The following HAS3 variants were observed in gnomAD, a reference collection of about 807,000 sequenced individuals.
The protein encoded by HAS3 is HA synthase 3.
HAS3 carries 27 observed loss-of-function variants against 50.3 expected under a neutral mutation model. The ratio of observed to expected loss-of-function variants is 0.54; its 90% confidence interval spans 0.40 to 0.74. The LOEUF (loss-of-function observed/expected upper bound fraction) is 0.74. Ranked by LOEUF, HAS3 falls within the 30% of genes least tolerant of loss-of-function variation. HAS3 has a pLI of 0.00. For missense variants in HAS3, 517 were observed against 742.8 expected (o/e 0.70, Z 3.53); for synonymous variants, 339 against 310.9 (o/e 1.09, Z -0.95).
chr16:69,116,992 CCA>C lies in HAS3; in HGVS notation c.*1728_*1729del, dbSNP rs1309240182. 3 of 985,296 alleles carry C rather than the reference CCA, an allele frequency of 3.0e-6. No homozygotes were observed. The highest frequency in any genetic ancestry group is 1.7e-5 in the African/African-American group (1 of 57,212). The allele number at this position is 985,296 out of a possible 1,614,324, so 61.0% of individuals were successfully genotyped here. On this transcript the variant is annotated 3_prime_UTR_variant, in exon 4 of 4. Transcript: ENST00000569188. ...AAACCCTGGTGCTTTCCTTCATCTC[CCA>C]CGAACTCAAGGGTTTTCCAGGTGTA...
downstream of HAS3, among the ~76,000 whole-genome samples, chr16:69,117,845 C>G: frequency 6.6e-6 from 1 of 152,118 alleles, no homozygotes; most frequent in East Asian, 1.9e-4. Context: ...AACTAACTGG[C>G]AGATGAATGG....
Position 69,115,767 on chromosome 16 carries a change from G to A in HAS3, c.*501G>A, listed in dbSNP as rs1240044786. ...GTAGTCATCAATGCAATAAGATTGC[G>A]CCTGAGATACAAGGCCCAGAAGCCT... On this transcript the variant is annotated 3_prime_UTR_variant, in exon 4 of 4. Coordinates refer to ENST00000569188, the MANE Select transcript of HAS3 (RefSeq NM_001199280.2). 14 of 986,176 alleles carry A rather than the reference G, an allele frequency of 1.4e-5. No individual in the cohort carries two copies. The highest frequency in any genetic ancestry group is 1.6e-5 in the Non-Finnish European group (13 of 830,454). The allele number at this position is 986,176 out of a possible 1,614,324, so 61.1% of individuals were successfully genotyped here. A position where few individuals can be genotyped will look rare whatever the true frequency, so the allele number is the denominator to read the frequency against.
chr16:69,103,008 T>C (rs955218799), upstream of HAS3, among the ~76,000 whole-genome samples: 2 of 110,764 alleles, frequency 1.8e-5, no homozygotes, highest in Non-Finnish European at 4.1e-5. Flanking sequence ...TGTGCATGTG[T>C]GTGTGTGTGT....
the HAS3 span, among the ~76,000 whole-genome samples, chr16:69,091,163 C>G: frequency 6.6e-6 from 1 of 152,192 alleles, no homozygotes; most frequent in African/African-American, 2.4e-5. Context: ...CAAAATCCCT[C>G]TAGATCTTTA....
At chr16:69,086,957 G>C in the HAS3 span, among the ~76,000 whole-genome samples, 1 of 152,086 alleles carries the variant, frequency 6.6e-6, no homozygotes. Flanking sequence ...GAACAAAAGT[G>C]ACACTTCCCT....
the HAS3 span, among the ~76,000 whole-genome samples, chr16:69,095,008 T>A: frequency 7.0e-6 from 1 of 143,880 alleles, no homozygotes; most frequent in Non-Finnish European, 1.5e-5. Flanking sequence ...TTTGAGACAG[T>A]GTTCGCTCTG....
Position 69,110,082 on chromosome 16 carries a change from C to G in HAS3, c.636+51C>G, listed in dbSNP as rs185816362. On this transcript the variant is annotated intron_variant, in intron 2 of 3. Coordinates refer to ENST00000569188, the MANE Select transcript of HAS3 (RefSeq NM_001199280.2). ...TGTACATGGGGATAAGTCTGGACAGCCTGGCAAACTCTCCGCCAAGAATCT... is the reference window on the plus strand; with the variant it reads ...TGTACATGGGGATAAGTCTGGACAGGCTGGCAAACTCTCCGCCAAGAATCT... 98 of 1,514,444 alleles carry G rather than the reference C, an allele frequency of 6.5e-5. No individual in the cohort carries two copies. In the East Asian group the frequency reaches 1.8e-3, roughly 28 times the overall value. The allele number at this position is 1,514,444 out of a possible 1,614,324, so 93.8% of individuals were successfully genotyped here. A position where few individuals can be genotyped will look rare whatever the true frequency, so the allele number is the denominator to read the frequency against.
intron 2 of HAS3, among the ~76,000 whole-genome samples, chr16:69,110,490 G>A (rs1008432107): frequency 3.3e-5 from 5 of 152,030 alleles, no homozygotes; most frequent in East Asian, 3.9e-4. Flanking sequence ...TGATCAATAC[G>A]CACTATAGCC....
upstream of HAS3, among the ~76,000 whole-genome samples, chr16:69,103,692 C>T (rs1191269022): frequency 2.0e-5 from 3 of 152,238 alleles, no homozygotes; most frequent in African/African-American, 7.2e-5. Context: ...CCACCACACC[C>T]GGCCAGGCAG....
chr16:69,103,544 T>C (rs1377932585), upstream of HAS3, among the ~76,000 whole-genome samples: 3 of 152,002 alleles, frequency 2.0e-5, no homozygotes, highest in South Asian at 2.1e-4. Flanking sequence ...TACAGGCGCC[T>C]GCCACCACAC....
the HAS3 span, among the ~76,000 whole-genome samples, chr16:69,093,086 G>A: frequency 6.6e-6 from 1 of 152,238 alleles, no homozygotes; most frequent in Non-Finnish European, 1.5e-5. Flanking sequence ...CATAGAAAAT[G>A]TAGCAAGTCT....
At chr16:69,096,468 G>A in the HAS3 span, among the ~76,000 whole-genome samples, 17 of 146,152 alleles carry the variant, frequency 1.2e-4, no homozygotes, top group East Asian at 2.0e-4. Flanking sequence ...TCCGGGAGGC[G>A]GAGGTTGCCG....
At chr16:69,096,534 C>CAAAAAAAAAA in the HAS3 span, among the ~76,000 whole-genome samples, 1 of 35,316 alleles carries the variant, frequency 2.8e-5, no homozygotes, top group Non-Finnish European at 4.6e-5. Context: ...GACTCTGTCT[C>CAAAAAAAAAA]AAAAAAAAAA....
intron 2 of HAS3, among the ~76,000 whole-genome samples, chr16:69,111,976 T>G (rs573613304): frequency 2.0e-5 from 3 of 152,266 alleles, no homozygotes; most frequent in Non-Finnish European, 4.4e-5. Context: ...TGCATAAGGT[T>G]GCCCTGGGCC....
Position 69,107,753 on chromosome 16 carries a change from C to A in HAS3, c.1-1643C>A. 4.2e-6 allele frequency: 4 copies of A among 957,382 alleles called. No individual in the cohort carries two copies. Among genetic ancestry groups the A allele is most frequent in the Non-Finnish European group, 5.0e-6 (4 of 804,292 alleles). The allele number at this position is 957,382 out of a possible 1,614,324, so 59.3% of individuals were successfully genotyped here. ...GGCTGCGGATGCAGGCCTGGGGACT[C>A]CTGGGCCGCAGGCGCGAGCAGTAGG... On this transcript the variant is annotated intron_variant, in intron 1 of 3. Coordinates refer to ENST00000569188, the MANE Select transcript of HAS3 (RefSeq NM_001199280.2). The surrounding 1 kb of genome is among the most constrained non-coding windows in gnomAD (Gnocchi z 5.5).
At chr16:69,118,012 C>G (rs995522774), downstream of HAS3, 2 of 319,988 alleles carry the variant, frequency 6.3e-6, no homozygotes, top group African/African-American at 4.2e-5. Flanking sequence ...CACCAGCAGC[C>G]CTCTCATCCC....
downstream of HAS3, chr16:69,118,383 ATGACCAGGTCCAAGC>A: frequency 6.2e-7 from 1 of 1,612,080 alleles, no homozygotes; most frequent in East Asian, 2.2e-5. Flanking sequence ...GCAGTAGAGG[ATGACCAGGTCCAAGC>A]TGCCCAGGTC....
At chr16:69,087,533 C>T in the HAS3 span, among the ~76,000 whole-genome samples, 1 of 151,940 alleles carries the variant, frequency 6.6e-6, no homozygotes, top group Non-Finnish European at 1.5e-5. Flanking sequence ...TCTCCTCTTC[C>T]ACGTCCCTTG....
intron 2 of HAS3, among the ~76,000 whole-genome samples, chr16:69,111,246 G>C (rs1004236003): frequency 8.1e-6 from 1 of 123,780 alleles, no homozygotes; most frequent in South Asian, 2.7e-4. Flanking sequence ...ACTTTTTGTA[G>C]TTTTAGTTAG....
Sources: allele counts gnomAD v4.1 joint callset (sites outside exome capture counted in the v4.1 genomes callset), GRCh38; gene constraint gnomAD v4.1.1; non-coding constraint Gnocchi (gnomAD v3.1); transcripts MANE v1.5; gene names NCBI Gene and HGNC (gene_info 2026-07-23, HGNC 2026-07-21).